TSGA10: variants seen among roughly 807,000 people sequenced by gnomAD.
TSGA10 encodes the protein testis specific 10, also known as testis-specific gene 10 protein.
Under a neutral mutation model 96.6 loss-of-function variants are expected in TSGA10, and 43 were observed. The ratio of observed to expected loss-of-function variants is 0.44; its 90% confidence interval spans 0.35 to 0.57. The LOEUF is 0.57. Ranked by LOEUF, TSGA10 falls within the 20% of genes least tolerant of loss-of-function variation. TSGA10 has a pLI of 0.01. For missense variants in TSGA10, 703 were observed against 834.4 expected (o/e 0.84, Z 1.94); for synonymous variants, 229 against 269.9 (o/e 0.85, Z 1.48).
chr2:99,132,974 T>C (rs2093164349), intron 1 of TSGA10, among the ~76,000 whole-genome samples: 1 of 152,212 alleles, frequency 6.6e-6, no homozygotes, highest in South Asian at 2.1e-4. Context: ...ATCATTTCCA[T>C]TCTTTTGCAT....
rs201262875 is a variant in TSGA10 at position 99,105,506 on chromosome 2, G to A, written c.381+21C>T. The A allele has an allele frequency of 6.7e-4, 1,075 of 1,613,698 alleles. 1 individual carries two copies. Among genetic ancestry groups the A allele is most frequent in the Non-Finnish European group, 8.6e-4 (1,019 of 1,179,818 alleles). On this transcript the variant is annotated intron_variant, in intron 8 of 20. Transcript: ENST00000393483. ...GAATTTGTGTTTCACATATATTCAC[G>A]TAAATAAAATCCTTTCCAACCTTTA...
intron 1 of TSGA10, among the ~76,000 whole-genome samples, chr2:99,149,277 G>A (rs2093664428): frequency 6.6e-6 from 1 of 151,526 alleles, no homozygotes; most frequent in South Asian, 2.1e-4. Context: ...TCTCCAGTAA[G>A]CCCTGGGCTT....
chr2:99,098,024 A>G (rs2090257581), intron 10 of TSGA10, among the ~76,000 whole-genome samples: 1 of 152,204 alleles, frequency 6.6e-6, no homozygotes, highest in African/African-American at 2.4e-5. Flanking sequence ...ATAATGAAAA[A>G]ATTGACAGGT....
At chr2:99,048,100 T>G (rs981708358) in intron 16 of TSGA10, among the ~76,000 whole-genome samples, 5 of 152,212 alleles carry the variant, frequency 3.3e-5, no homozygotes, top group Non-Finnish European at 7.3e-5. Context: ...GAACATTCCA[T>G]GCTCATGGAT....
intron 10 of TSGA10, chr2:99,102,263 G>C: frequency 6.2e-7 from 1 of 1,612,588 alleles, no homozygotes; most frequent in Non-Finnish European, 8.5e-7. Context: ...AAGCTACTTT[G>C]GTGATGAAGA....
chr2:98,998,831 A>T (rs2077650539), intron 20 of TSGA10, among the ~76,000 whole-genome samples: 1 of 152,136 alleles, frequency 6.6e-6, no homozygotes, highest in East Asian at 1.9e-4. Context: ...TGGGGTAAGG[A>T]TATGTGGGAC....
intron 20 of TSGA10, among the ~76,000 whole-genome samples, chr2:99,001,594 C>T (rs1323818918): frequency 6.6e-6 from 1 of 152,158 alleles, no homozygotes. Context: ...AGGAACACAG[C>T]TCCCCACCAG....
rs139746022 is a variant in TSGA10 at position 99,104,052 on chromosome 2, C to T, written c.526G>A (p.Glu176Lys). The change falls in exon 10 of 21, where the codon GAA (glutamate) becomes AAA (lysine). Residue 176 changes from glutamate (E) to lysine (K), a missense_variant. By Grantham distance (56) the Glu-to-Lys change is moderately conservative (BLOSUM62 1). This residue lies in a region of TSGA10 where 585 missense variants were observed against 656.8 expected (regional missense o/e 0.89). Coordinates refer to ENST00000393483, the MANE Select transcript of TSGA10 (RefSeq NM_025244.4). ...TLMKETISTV[E>K]KEMKSLARKA... ...CTTGCTAGTGATTTCATTTCTTTTT[C>T]CACAGTGCTTATGGTTTCCTTCATC... 801 of 1,613,910 alleles carry T rather than the reference C, an allele frequency of 5.0e-4. 2 individuals are homozygous for T. The highest frequency in any genetic ancestry group is 6.6e-4 in the Non-Finnish European group (776 of 1,179,986).
chr2:99,077,495 AGAAATCAG>A, intron 12 of TSGA10, among the ~76,000 whole-genome samples: 1 of 152,222 alleles, frequency 6.6e-6, no homozygotes, highest in Admixed American at 6.5e-5. Context: ...AACTGCTTTC[AGAAATCAG>A]TTTATAAGCT....
chr2:99,098,387 C>T lies in TSGA10; in HGVS notation c.611+5580G>A, dbSNP rs187353956. Among the ~76,000 whole-genome samples the T allele has an allele frequency of 6.4e-4, 90 of 141,056 alleles. 1 individual carries two copies. In the East Asian group the frequency reaches 9.7e-3, roughly 15 times the overall value. 92.5% of individuals were successfully genotyped at this position (141,056 alleles called of 152,430 possible). A position where few individuals can be genotyped will look rare whatever the true frequency, so the allele number is the denominator to read the frequency against. On this transcript the variant is annotated intron_variant, in intron 10 of 20. Coordinates refer to ENST00000393483, the MANE Select transcript of TSGA10 (RefSeq NM_025244.4). ...TTGGGAGGTGGAGCATGCAGTGAGC[C>T]GAGATCGCACCACTGCACTCCAACC...
At chr2:99,080,936 A>G (rs928733728) in intron 11 of TSGA10, among the ~76,000 whole-genome samples, 1 of 152,148 alleles carries the variant, frequency 6.6e-6, no homozygotes, top group Non-Finnish European at 1.5e-5. Context: ...TACACTTTCC[A>G]CCAAAAGTAA....
chr2:99,102,657 T>C (rs2090904699), intron 10 of TSGA10: 1 of 1,614,076 alleles, frequency 6.2e-7, no homozygotes. Flanking sequence ...TGACAAATTC[T>C]ATGGTGTAAA....
At chr2:99,124,748 C>A (rs1171270181) in intron 2 of TSGA10, 1 of 152,038 alleles carries the variant, frequency 6.6e-6, no homozygotes, top group Non-Finnish European at 1.5e-5. Context: ...CCATGCCCGG[C>A]TAATTTTTTT....
At chr2:99,032,901 G>A (rs183543080) in intron 17 of TSGA10, among the ~76,000 whole-genome samples, 78 of 152,316 alleles carry the variant, frequency 5.1e-4, no homozygotes, top group Non-Finnish European at 9.1e-4. Context: ...GGATGTTGAC[G>A]GCAAGGCAAC....
In TSGA10 at chr2:99,077,246, T is replaced by TA. The variant is rs1272386193; in HGVS notation, c.882+1412dup. ...ACCTCCACCTCCCAGGCTCAGGTGA[T>TA]ACTCCTGCCTCAGCCTCCCAAGTAG... On this transcript the variant is annotated intron_variant, in intron 12 of 20. Coordinates refer to ENST00000393483, the MANE Select transcript of TSGA10 (RefSeq NM_025244.4). Among the ~76,000 whole-genome samples, 23 of 142,568 alleles carry TA rather than the reference T, an allele frequency of 1.6e-4. 1 individual carries two copies. In the East Asian group the frequency reaches 4.6e-3, roughly 29 times the overall value. 93.5% of individuals were successfully genotyped at this position (142,568 alleles called of 152,430 possible).
At chr2:99,093,486 T>C (rs1003600677) in intron 10 of TSGA10, among the ~76,000 whole-genome samples, 4 of 152,160 alleles carry the variant, frequency 2.6e-5, no homozygotes, top group South Asian at 2.1e-4. Context: ...GATATGATCG[T>C]AGACCTAGAA....
Position 99,071,712 on chromosome 2 carries a change from T to C in TSGA10, c.1101A>G (p.Glu367=). 1 of 1,611,550 alleles carries C rather than the reference T, an allele frequency of 6.2e-7. No homozygotes were observed. Among genetic ancestry groups the C allele is most frequent in the South Asian group, 1.1e-5 (1 of 90,378 alleles). The stretch of plus-strand genomic sequence containing the variant: ...ATTCTAGGAACAAGTGTACCTGGTT[T>C]TCTTGTTTAGCTTTAGCAAACTGTT... The part of the protein sequence containing the change: ...LQEQFAKAKQ[E]NQALSKKLND... The change falls in exon 14 of 21, where the codon GAA becomes GAG. Residue 367 remains glutamate (E), a synonymous_variant. Transcript: ENST00000393483.
At chr2:99,147,661 C>T (rs370380936) in intron 1 of TSGA10, among the ~76,000 whole-genome samples, 35 of 152,004 alleles carry the variant, frequency 2.3e-4, no homozygotes, top group African/African-American at 8.4e-4. Flanking sequence ...AACGTTTTTT[C>T]AATTTTGTAT....
At chr2:99,092,016 T>TA (rs1417826821) in intron 10 of TSGA10, among the ~76,000 whole-genome samples, 1 of 152,118 alleles carries the variant, frequency 6.6e-6, no homozygotes, top group Non-Finnish European at 1.5e-5. Flanking sequence ...TTCTTCAAGA[T>TA]AGACCATATC....
Sources: gnomAD v4.1 joint callset for allele counts (sites outside exome capture counted in the v4.1 genomes callset) on GRCh38, gnomAD v4.1.1 for gene constraint, gnomAD v4.1.1 regional missense constraint, MANE v1.5 for transcripts, NCBI Gene and HGNC (gene_info 2026-07-23, HGNC 2026-07-21) for gene names.